Variants in ZNF18 observed in about 807,000 individuals in gnomAD.
ZNF18 encodes heart development-specific gene 1 protein.
Under a neutral mutation model 58.1 loss-of-function variants are expected in ZNF18, and 42 were observed. That is an observed-to-expected ratio of 0.72 (90% CI 0.56 to 0.93). The LOEUF (loss-of-function observed/expected upper bound fraction) is 0.93, where lower values mean the gene tolerates loss of function less well. ZNF18 is among the 40% of genes least tolerant of loss of function. ZNF18 has a pLI of 0.00. For synonymous variants in ZNF18, 231 were observed against 239.8 expected (o/e 0.96, Z 0.34); for missense variants, 540 against 644.2 (o/e 0.84, Z 1.75).
chr17:12,004,887 C>CAAAAAAAAAA, the ZNF18 span, among the ~76,000 whole-genome samples: 2 of 56,204 alleles, frequency 3.6e-5, no homozygotes, highest in Non-Finnish European at 7.7e-5. Context: ...AACTCCATCT[C>CAAAAAAAAAA]AAAAAAAAAA....
chr17:12,021,090 G>A, the ZNF18 span: 1 of 764,842 alleles, frequency 1.3e-6, no homozygotes. Flanking sequence ...CCCCGGACCC[G>A]GCTGAGGAAG....
the ZNF18 span, among the ~76,000 whole-genome samples, chr17:12,019,871 C>A: frequency 6.6e-6 from 1 of 152,184 alleles, no homozygotes; most frequent in Non-Finnish European, 1.5e-5. Flanking sequence ...GGCTTAGATT[C>A]TTTGGGAAGT....
the ZNF18 span, among the ~76,000 whole-genome samples, chr17:12,015,238 T>C: frequency 6.6e-6 from 1 of 152,216 alleles, no homozygotes; most frequent in South Asian, 2.1e-4. Context: ...AATTATTAAA[T>C]TCCACAATCT....
At position 11,983,453 on chromosome 17, in the gene ZNF18, C is replaced by G. The variant is rs775039964; in HGVS notation, c.752-46G>C. ...GGTGGGCCTGGATGAATAGGGAAGA[C>G]TGGGAGCTCAAGCTGTGTCTTTCAA... On this transcript the variant is annotated intron_variant, in intron 5 of 6. Transcript: ENST00000580306. 2.7e-6 allele frequency: 4 copies of G among 1,474,290 alleles called. No homozygotes were observed. In the African/African-American group the frequency reaches 5.5e-5, roughly 20 times the overall value. The allele number at this position is 1,474,290 out of a possible 1,614,324, so 91.3% of individuals were successfully genotyped here. A position where few individuals can be genotyped will look rare whatever the true frequency, so the allele number is the denominator to read the frequency against.
the ZNF18 span, among the ~76,000 whole-genome samples, chr17:12,003,862 T>C: frequency 6.6e-6 from 1 of 152,178 alleles, no homozygotes; most frequent in African/African-American, 2.4e-5. Context: ...TTTGCACATA[T>C]GTTGAACAGG....
upstream of ZNF18, among the ~76,000 whole-genome samples, chr17:12,001,894 C>T (rs979304788): frequency 8.6e-5 from 13 of 151,584 alleles, no homozygotes; most frequent in African/African-American, 2.9e-4. Context: ...AATGAAAGCA[C>T]ATGCACTCCA....
At chr17:12,011,026 C>T in the ZNF18 span, 1 of 750,864 alleles carries the variant, frequency 1.3e-6, no homozygotes, top group Non-Finnish European at 2.4e-6. Flanking sequence ...TGCTGGGGAA[C>T]ATTGTAGACT....
chr17:11,978,135 G>A lies in ZNF18; in HGVS notation c.1472C>T (p.Pro491Leu), dbSNP rs757382699. Reference protein sequence around the residue: ...HHEKIHTGEKPYKCPICEKSF... With the variant: ...HHEKIHTGEKLYKCPICEKSF... Reference sequence around the variant, plus strand: ...TTTCTCACAGATAGGACATTTATAGGGTTTCTCTCCTGTGTGGATTTTCTC... The same window carrying A: ...TTTCTCACAGATAGGACATTTATAGAGTTTCTCTCCTGTGTGGATTTTCTC... Residue 491 changes from proline to leucine, a missense_variant, in exon 7 of 7, where the codon CCC (proline) becomes CTC (leucine). By Grantham distance (98) the Pro-to-Leu change is moderately conservative. Coordinates refer to ENST00000580306, the MANE Select transcript of ZNF18 (RefSeq NM_001303281.2). The A allele has an allele frequency of 2.5e-6, 4 of 1,613,970 alleles. No homozygotes were observed. In the South Asian group the frequency reaches 4.4e-5, roughly 18 times the overall value.
chr17:11,980,253 T>A (rs1424841871), intron 6 of ZNF18, among the ~76,000 whole-genome samples: 1 of 152,192 alleles, frequency 6.6e-6, no homozygotes, highest in Non-Finnish European at 1.5e-5. Flanking sequence ...TTTCATTGTT[T>A]TAAATTTTAA....
At chr17:12,012,447 C>T in the ZNF18 span, among the ~76,000 whole-genome samples, 20 of 152,092 alleles carry the variant, frequency 1.3e-4, no homozygotes, top group Non-Finnish European at 1.0e-4. Context: ...ATTTTGCAAA[C>T]GTGAGAATAT....
Position 11,992,858 on chromosome 17 carries a change from A to G in ZNF18, c.-29T>C, listed in dbSNP as rs760315777. 3.1e-6 allele frequency: 5 copies of G among 1,593,950 alleles called. No homozygotes were observed. The highest frequency in any genetic ancestry group is 2.2e-4 in the Middle Eastern group (1 of 4,524). On this transcript the variant is annotated 5_prime_UTR_variant, in exon 2 of 7. Transcript: ENST00000580306. Reference sequence around the variant, plus strand: ...CCAGCCTGGCAAGTCCTTTTAAGTAAAGTGCTTCTGCAGTGGAATTGTCTC... The same window carrying G: ...CCAGCCTGGCAAGTCCTTTTAAGTAGAGTGCTTCTGCAGTGGAATTGTCTC...
chr17:11,986,173 C>A (rs551667734), intron 4 of ZNF18, among the ~76,000 whole-genome samples: 1 of 152,360 alleles, frequency 6.6e-6, no homozygotes, highest in South Asian at 2.1e-4. Context: ...TCTTTGCCTG[C>A]CGCCATCCTT....
the ZNF18 span, among the ~76,000 whole-genome samples, chr17:12,005,034 C>T: frequency 6.6e-6 from 1 of 150,654 alleles, no homozygotes; most frequent in Non-Finnish European, 1.5e-5. Flanking sequence ...TATTTATACA[C>T]ACACTAAGTT....
At chr17:11,989,491 C>G (rs1967965536) in intron 4 of ZNF18, among the ~76,000 whole-genome samples, 1 of 151,862 alleles carries the variant, frequency 6.6e-6, no homozygotes, top group African/African-American at 2.4e-5. Context: ...GTTCAAGAAG[C>G]TAGAGAAAAA....
the ZNF18 span, among the ~76,000 whole-genome samples, chr17:12,018,730 T>G: frequency 1.3e-5 from 2 of 152,198 alleles, no homozygotes; most frequent in Non-Finnish European, 2.9e-5. Context: ...AAGTGCTTTC[T>G]TGTTTTTGCC....
intron 6 of ZNF18, among the ~76,000 whole-genome samples, chr17:11,982,696 G>GTGTGTA (rs971347468): frequency 1.4e-5 from 2 of 147,062 alleles, no homozygotes; most frequent in African/African-American, 2.6e-5. Context: ...GTGTGTGTGT[G>GTGTGTA]TGTAGGTTTC....
chr17:12,003,439 C>CAA, the ZNF18 span, among the ~76,000 whole-genome samples: 832 of 72,422 alleles, frequency 0.011, 6 homozygotes, highest in East Asian at 0.069. Flanking sequence ...GACTCTGTCT[C>CAA]AAAAAAAAAA....
intron 2 of ZNF18, 124 bp from the exon 3 acceptor site, chr17:11,991,287 C>A: frequency 1.1e-6 from 1 of 948,142 alleles, no homozygotes; most frequent in Non-Finnish European, 1.5e-6. Context: ...AAAGAGAAAA[C>A]CAGCTTTTAT....
At chr17:12,003,403 G>A in the ZNF18 span, among the ~76,000 whole-genome samples, 2 of 149,330 alleles carry the variant, frequency 1.3e-5, no homozygotes, top group Non-Finnish European at 3.0e-5. Context: ...TAGTGCTACT[G>A]CACTCCAGCC....
Sources: gnomAD v4.1 joint callset for allele counts (sites outside exome capture counted in the v4.1 genomes callset) on GRCh38, gnomAD v4.1.1 for gene constraint, MANE v1.5 for transcripts, NCBI Gene and HGNC (gene_info 2026-07-23, HGNC 2026-07-21) for gene names.